AVEN: variants seen among roughly 807,000 people sequenced by gnomAD.
AVEN encodes the protein apoptosis and caspase activation inhibitor.
Under a neutral mutation model 38.1 loss-of-function variants are expected in AVEN, and 41 were observed. The ratio of observed to expected loss-of-function variants is 1.08; its 90% CI spans 0.84 to 1.40. The LOEUF (loss-of-function observed/expected upper bound fraction) is 1.40, where lower values mean the gene tolerates loss of function less well. AVEN is among the 40% of genes most tolerant of loss of function. AVEN has a pLI of 0.00. For missense variants in AVEN, 605 were observed against 438.8 expected (o/e 1.38, Z -3.38); for synonymous variants, 206 against 171.8 (o/e 1.20, Z -1.56).
chr15:33,888,709 ATTAATT>A, intron 2 of AVEN, among the ~76,000 whole-genome samples: 1 of 152,270 alleles, frequency 6.6e-6, no homozygotes, highest in African/African-American at 2.4e-5. Context: ...TGTGATTAAT[ATTAATT>A]TTAAATTGCC....
chr15:33,903,415 G>A (rs538587859), intron 2 of AVEN, among the ~76,000 whole-genome samples: 4 of 152,262 alleles, frequency 2.6e-5, no homozygotes, highest in African/African-American at 4.8e-5. Context: ...GTCCCTGGGC[G>A]CTCCCAGAGA....
At chr15:34,015,266 G>A (rs968373471) in intron 1 of AVEN, among the ~76,000 whole-genome samples, 1 of 152,054 alleles carries the variant, frequency 6.6e-6, no homozygotes, top group African/African-American at 2.4e-5. Flanking sequence ...GGCGGGTCAC[G>A]AGGTCAGGAG....
chr15:34,058,228 C>A (rs975359771), intron 5 of AVEN, among the ~76,000 whole-genome samples: 7 of 152,126 alleles, frequency 4.6e-5, no homozygotes, highest in African/African-American at 1.7e-4. Flanking sequence ...TCTGAAAATA[C>A]CTTCGCAGCA....
chr15:33,982,741 C>T (rs1896209555), intron 2 of AVEN, among the ~76,000 whole-genome samples: 1 of 151,498 alleles, frequency 6.6e-6, no homozygotes, highest in African/African-American at 2.4e-5. Context: ...ATCCAAATAC[C>T]ATGATGCTTT....
intron 2 of AVEN, among the ~76,000 whole-genome samples, chr15:33,897,984 T>C (rs939132825): frequency 2.0e-5 from 3 of 152,048 alleles, no homozygotes; most frequent in Non-Finnish European, 4.4e-5. Context: ...GGTCAGGAGA[T>C]CGAGACCATC....
intron 1 of AVEN, among the ~76,000 whole-genome samples, chr15:34,007,521 T>C (rs1247808929): frequency 6.6e-6 from 1 of 152,198 alleles, no homozygotes; most frequent in East Asian, 1.9e-4. Flanking sequence ...TCGCCTTTAA[T>C]GTCCATATTT....
At chr15:33,897,311 AT>A (rs1376846216) in intron 2 of AVEN, among the ~76,000 whole-genome samples, 2 of 151,864 alleles carry the variant, frequency 1.3e-5, no homozygotes, top group Non-Finnish European at 2.9e-5. Context: ...TAATTTATTT[AT>A]TTTGAGATGG....
Position 34,003,190 on chromosome 15 carries a change from G to A in AVEN, c.287C>T (p.Ala96Val), listed in dbSNP as rs371330802. 9.3e-6 allele frequency: 15 copies of A among 1,613,266 alleles called. No homozygotes were observed. The highest frequency in any genetic ancestry group is 1.1e-5 in the Non-Finnish European group (13 of 1,179,834). The change falls in exon 2 of 6, where the codon GCA (alanine) becomes GTA (valine). Residue 96 changes from alanine to valine, a missense_variant. Physicochemically the swap from Ala to Val is moderately conservative, Grantham distance 64. Coordinates refer to ENST00000306730, the MANE Select transcript of AVEN (RefSeq NM_020371.3). The part of the protein sequence containing the change: ...ASAPVEDDSD[A>V]ETYGEENDEQ... Reference sequence around the variant, plus strand: ...ATCATTCTCTTCTCCATAGGTCTCTGCATCGCTGTCATCTTCAACCTGCAA... The same window carrying A: ...ATCATTCTCTTCTCCATAGGTCTCTACATCGCTGTCATCTTCAACCTGCAA...
chr15:33,864,251 T>G (rs1567370415), downstream of AVEN: 1 of 1,284,636 alleles, frequency 7.8e-7, no homozygotes, highest in Non-Finnish European at 1.1e-6. Context: ...TGAGACTTAG[T>G]AGGGCATAGG....
chr15:33,951,834 G>T (rs1050712230), intron 2 of AVEN, among the ~76,000 whole-genome samples: 1 of 152,122 alleles, frequency 6.6e-6, no homozygotes, highest in African/African-American at 2.4e-5. Flanking sequence ...CTAGCACAGA[G>T]GAAAGTTTGA....
intron 1 of AVEN, among the ~76,000 whole-genome samples, chr15:34,024,387 C>T (rs1451214219): frequency 6.7e-6 from 1 of 150,312 alleles, no homozygotes; most frequent in East Asian, 2.0e-4. Flanking sequence ...TGGTGGCTTA[C>T]ACCTATAATC....
intron 2 of AVEN, among the ~76,000 whole-genome samples, chr15:33,912,886 TA>T (rs1162858358): frequency 9.3e-6 from 1 of 107,648 alleles, no homozygotes; most frequent in African/African-American, 3.6e-5. Context: ...GTAAAAGGCA[TA>T]ATTTTTTTTT....
chr15:33,917,553 T>C (rs955625327), intron 2 of AVEN, among the ~76,000 whole-genome samples: 2 of 105,460 alleles, frequency 1.9e-5, no homozygotes, highest in Non-Finnish European at 4.5e-5. Flanking sequence ...CAATCACACA[T>C]GTGTATGTAT....
Position 34,063,810 on chromosome 15 carries a change from C to T in AVEN, n.1127-378G>A. On this transcript the variant is annotated intron_variant and non_coding_transcript_variant, in intron 4 of 11. Coordinates refer to the AVEN transcript ENST00000675287. This position sits in a 1 kb window ranked among gnomAD's most constrained non-coding sequence, Gnocchi z 4.1. ...TGACACCCCAAACTACCTTCTGTCT[C>T]CAGCAGCTGCTCATAGACCCAAGAG... The T allele has an allele frequency of 1.2e-6, 2 of 1,614,206 alleles. No individual in the cohort carries two copies. The highest frequency in any genetic ancestry group is 1.7e-5 in the Admixed American group (1 of 60,024).
At chr15:33,902,401 C>T (rs1459271223) in intron 2 of AVEN, among the ~76,000 whole-genome samples, 1 of 152,202 alleles carries the variant, frequency 6.6e-6, no homozygotes, top group African/African-American at 2.4e-5. Flanking sequence ...TCAATAAAAA[C>T]TCTTCACAGT....
chr15:34,037,518 CTAT>C (rs1232157113), intron 1 of AVEN, among the ~76,000 whole-genome samples: 18 of 148,922 alleles, frequency 1.2e-4, no homozygotes, highest in African/African-American at 2.7e-4. Flanking sequence ...TAATTACATA[CTAT>C]TATATTACAT....
intron 2 of AVEN, among the ~76,000 whole-genome samples, chr15:33,992,343 T>C (rs1314895871): frequency 6.6e-6 from 1 of 152,012 alleles, no homozygotes; most frequent in Non-Finnish European, 1.5e-5. Flanking sequence ...TGAGCCGAGA[T>C]TGCGCCACTG....
At chr15:34,049,189 C>A (rs1453183491) in intron 5 of AVEN, among the ~76,000 whole-genome samples, 1 of 152,208 alleles carries the variant, frequency 6.6e-6, no homozygotes, top group African/African-American at 2.4e-5. Flanking sequence ...AGGCACAGAA[C>A]TGGGCTGAAG....
intron 2 of AVEN, among the ~76,000 whole-genome samples, chr15:33,876,448 T>G (rs1223160072): frequency 7.8e-6 from 1 of 128,828 alleles, no homozygotes; most frequent in Non-Finnish European, 1.8e-5. Context: ...GGCACGTGCC[T>G]ATAATCCCAC....
Sources: allele counts gnomAD v4.1 joint callset (sites outside exome capture counted in the v4.1 genomes callset), GRCh38; gene constraint gnomAD v4.1.1; non-coding constraint Gnocchi (gnomAD v3.1); transcripts MANE v1.5; gene names NCBI Gene and HGNC (gene_info 2026-07-23, HGNC 2026-07-21).